The following ABCG1 variants were observed in gnomAD, a reference collection of about 807,000 sequenced individuals.
ABCG1 encodes the protein ATP binding cassette subfamily G member 1, also known as ATP-binding cassette sub-family G member 1.
In ABCG1, 29 loss-of-function variants were observed where a neutral mutation model predicts 69.2. The ratio of observed to expected loss-of-function variants is 0.42; its 90% CI spans 0.31 to 0.57. The LOEUF is 0.57. Among genes scored for constraint, ABCG1 ranks in the 20% least tolerant of loss-of-function variants. The pLI, the probability that ABCG1 is intolerant of heterozygous loss-of-function variation, is 0.15. For synonymous variants in ABCG1, 370 were observed against 374.8 expected (o/e 0.99, Z 0.15); for missense variants, 718 against 898.1 (o/e 0.80, Z 2.56).
intron 3 of ABCG1, among the ~76,000 whole-genome samples, chr21:42,271,445 G>A (rs1330676716): frequency 6.6e-6 from 1 of 150,924 alleles, no homozygotes; most frequent in East Asian, 1.9e-4. Flanking sequence ...AAAGGGACAG[G>A]AGGAAGTAGG....
At chr21:42,259,598 A>C in intron 2 of ABCG1, 1 of 1,450,028 alleles carries the variant, frequency 6.9e-7, no homozygotes, top group African/African-American at 1.4e-5. Flanking sequence ...GGAGCTGGCC[A>C]TTACCTTGTT....
intron 2 of ABCG1, among the ~76,000 whole-genome samples, chr21:42,249,762 T>C (rs58572706): frequency 0.058 from 8,757 of 152,018 alleles, 848 homozygotes; most frequent in African/African-American, 0.2. Flanking sequence ...TCCCGGCACT[T>C]TGGGAGGCTG....
chr21:42,219,315 G>T lies in ABCG1; in HGVS notation c.42+11G>T. Reference sequence around the variant, plus strand: ...GTCGGCACCGCCATGGTGAGTGAGCGCATCCTTCGTCCGCCGGGAACGGTT... The same window carrying T: ...GTCGGCACCGCCATGGTGAGTGAGCTCATCCTTCGTCCGCCGGGAACGGTT... On this transcript the variant is annotated intron_variant, in intron 1 of 14. Coordinates refer to ENST00000398449, the MANE Select transcript of ABCG1 (RefSeq NM_016818.3). This position sits in a 1 kb window ranked among gnomAD's most constrained non-coding sequence, Gnocchi z 5.3. 1.3e-6 allele frequency: 2 copies of T among 1,596,708 alleles called. No homozygotes were observed. Among genetic ancestry groups the T allele is most frequent in the Non-Finnish European group, 8.5e-7 (1 of 1,174,710 alleles).
chr21:42,279,404 G>A (rs1028182908), intron 5 of ABCG1, among the ~76,000 whole-genome samples: 6 of 152,296 alleles, frequency 3.9e-5, no homozygotes, highest in East Asian at 1.9e-4. Flanking sequence ...TTGCTAACAC[G>A]GAGAGGCCCT....
intron 2 of ABCG1, among the ~76,000 whole-genome samples, chr21:42,264,792 T>C (rs2068474593): frequency 6.7e-6 from 1 of 149,760 alleles, no homozygotes; most frequent in African/African-American, 2.5e-5. Context: ...AGAGAAGAGA[T>C]AGAGGAGCGC....
rs781441014 is a variant in ABCG1 at position 42,276,489 on chromosome 21, A to G, written c.538-406A>G. The stretch of plus-strand genomic sequence containing the variant: ...GGGTACAGCAGAGAATTCAACTGAG[A>G]TAGCAGGAAGCATCGCACATGGACT... On this transcript the variant is annotated intron_variant, in intron 4 of 14. Coordinates refer to ENST00000398449, the MANE Select transcript of ABCG1 (RefSeq NM_016818.3). This position sits in a 1 kb window ranked among gnomAD's most constrained non-coding sequence, Gnocchi z 5.3. 5.0e-5 allele frequency: 9 copies of G among 179,240 alleles called. No homozygotes were observed. Among genetic ancestry groups the G allele is most frequent in the Non-Finnish European group, 8.3e-5 (7 of 84,842 alleles). The allele number at this position is 179,240 out of a possible 1,614,324, so 11.1% of individuals were successfully genotyped here.
At chr21:42,213,485 A>G (rs117417546), upstream of ABCG1, among the ~76,000 whole-genome samples, 237 of 152,370 alleles carry the variant, frequency 1.6e-3, 4 homozygotes, top group East Asian at 0.014. Flanking sequence ...GCCACTGCAG[A>G]GAGCCCCCAC....
At chr21:42,256,279 C>G in intron 2 of ABCG1, 1 of 1,515,136 alleles carries the variant, frequency 6.6e-7, no homozygotes, top group African/African-American at 1.4e-5. Context: ...GCCCTCCCGC[C>G]AGGAGGTGGT....
intron 2 of ABCG1, among the ~76,000 whole-genome samples, chr21:42,233,283 C>T (rs141046741): frequency 1.3e-5 from 2 of 152,258 alleles, no homozygotes; most frequent in African/African-American, 4.8e-5. Context: ...GTGATTACAT[C>T]CAGCTGAGAC....
At chr21:42,207,332 A>T (rs1375793103) in intron 2 of ABCG1, among the ~76,000 whole-genome samples, 2 of 151,590 alleles carry the variant, frequency 1.3e-5, no homozygotes, top group Non-Finnish European at 2.9e-5. Flanking sequence ...CAGTTTATTA[A>T]TTTTTTCCTC....
chr21:42,256,602 T>G, intron 2 of ABCG1: 1 of 1,516,626 alleles, frequency 6.6e-7, no homozygotes, highest in Non-Finnish European at 8.9e-7. Flanking sequence ...GTTCTCACAG[T>G]TTTTACAGGC....
intron 2 of ABCG1, among the ~76,000 whole-genome samples, chr21:42,265,492 G>T (rs2068486711): frequency 6.6e-6 from 1 of 152,168 alleles, no homozygotes; most frequent in South Asian, 2.1e-4. Context: ...AGAGGCCCAT[G>T]CGCAGACAGA....
intron 2 of ABCG1, among the ~76,000 whole-genome samples, chr21:42,250,712 A>G (rs567422152): frequency 6.6e-6 from 1 of 152,214 alleles, no homozygotes; most frequent in Non-Finnish European, 1.5e-5. Context: ...GGTACCCTCC[A>G]TGTGGGCCAT....
intron 5 of ABCG1, among the ~76,000 whole-genome samples, chr21:42,279,938 G>A (rs2068777781): frequency 6.6e-6 from 1 of 152,246 alleles, no homozygotes; most frequent in African/African-American, 2.4e-5. Flanking sequence ...ACACGGCCCG[G>A]ATGAGAGCCT....
chr21:42,212,836 G>A (rs922490271), upstream of ABCG1, among the ~76,000 whole-genome samples: 8 of 151,732 alleles, frequency 5.3e-5, no homozygotes, highest in South Asian at 4.2e-4. Flanking sequence ...TGGGGCTACA[G>A]GTGCCCGCTA....
At chr21:42,250,038 G>A (rs1436841012) in intron 2 of ABCG1, among the ~76,000 whole-genome samples, 1 of 151,248 alleles carries the variant, frequency 6.6e-6, no homozygotes, top group Non-Finnish European at 1.5e-5. Context: ...GGGATGAAGA[G>A]TCCTCACTGG....
chr21:42,200,077 G>A (rs1344735720), intron 1 of ABCG1, among the ~76,000 whole-genome samples: 2 of 152,200 alleles, frequency 1.3e-5, no homozygotes, highest in Admixed American at 6.5e-5. Flanking sequence ...GTGAGAATGA[G>A]TCAGAGCCCA....
intron 2 of ABCG1, among the ~76,000 whole-genome samples, chr21:42,204,943 T>C (rs1178865703): frequency 6.6e-6 from 1 of 152,318 alleles, no homozygotes; most frequent in East Asian, 1.9e-4. Flanking sequence ...AGAATTAGTG[T>C]TAATTTTTTA....
At position 42,280,089 on chromosome 21, in the gene ABCG1, C is replaced by T. The variant is rs529397658; in HGVS notation, c.589-2185C>T. Among the ~76,000 whole-genome samples, 8 of 152,358 alleles carry T rather than the reference C, an allele frequency of 5.3e-5. No individual in the cohort carries two copies. In the East Asian group the frequency reaches 1.5e-3, roughly 29 times the overall value. The stretch of plus-strand genomic sequence containing the variant: ...AATGCAGAGAGCCCTCCCCACAGGA[C>T]CTGGAGGCCACGCTGCGTCCTGCAC... On this transcript the variant is annotated intron_variant, in intron 5 of 14. Coordinates refer to ENST00000398449, the MANE Select transcript of ABCG1 (RefSeq NM_016818.3).
Sources: allele counts gnomAD v4.1 joint callset (sites outside exome capture counted in the v4.1 genomes callset), GRCh38; gene constraint gnomAD v4.1.1; non-coding constraint Gnocchi (gnomAD v3.1); transcripts MANE v1.5; gene names NCBI Gene and HGNC (gene_info 2026-07-23, HGNC 2026-07-21).